Variants in LRRTM4 observed in about 807,000 individuals in gnomAD.
The protein encoded by LRRTM4 is leucine rich repeat transmembrane neuronal 4, also known as leucine-rich repeat transmembrane neuronal protein 4.
Under a neutral mutation model 47.6 loss-of-function variants are expected in LRRTM4, and 25 were observed. The observed-to-expected ratio is 0.53, with a 90% CI of 0.38 to 0.73. The LOEUF (loss-of-function observed/expected upper bound fraction) is 0.73. LRRTM4 is among the 30% of genes least tolerant of loss of function. The pLI is 0.00. For missense variants in LRRTM4, 638 were observed against 713.4 expected, an observed-to-expected ratio of 0.89 and a Z score of 1.20; for synonymous variants, 311 against 269.5, an observed-to-expected ratio of 1.15 and a Z score of -1.51.
chr2:77,278,182 C>T (rs965821438), intron 3 of LRRTM4, among the ~76,000 whole-genome samples: 2 of 151,990 alleles, frequency 1.3e-5, no homozygotes, highest in African/African-American at 4.8e-5. Flanking sequence ...TCCTGCTCAC[C>T]TTTAATCAAC....
intron 3 of LRRTM4, among the ~76,000 whole-genome samples, chr2:77,224,380 A>T (rs1674739846): frequency 6.6e-6 from 1 of 152,208 alleles, no homozygotes; most frequent in Non-Finnish European, 1.5e-5. Context: ...TAAACTAAAG[A>T]GCTTCTGCAC....
chr2:76,923,251 T>C (rs1457182778), intron 3 of LRRTM4, among the ~76,000 whole-genome samples: 1 of 152,076 alleles, frequency 6.6e-6, no homozygotes, highest in Non-Finnish European at 1.5e-5. Flanking sequence ...TAAACGTTTG[T>C]CTAAAGTTCA....
Position 76,936,518 on chromosome 2 carries a change from T to C in LRRTM4, c.1552-187602A>G, listed in dbSNP as rs150917826. Among the ~76,000 whole-genome samples, 1,322 of 149,470 alleles carry C rather than the reference T, an allele frequency of 8.8e-3. 10 individuals are homozygous for C. Among genetic ancestry groups the C allele is most frequent in the Non-Finnish European group, 0.013 (888 of 67,622 alleles). ...GGTTGATGGTTGCAGCAATCCACCA[T>C]GGCACGTGTATGCCTATGTAAGAAA... On this transcript the variant is annotated intron_variant, in intron 3 of 3. Coordinates refer to ENST00000409884, the MANE Select transcript of LRRTM4 (RefSeq NM_001134745.3).
At chr2:77,340,318 C>A (rs1671326789) in intron 3 of LRRTM4, among the ~76,000 whole-genome samples, 2 of 151,590 alleles carry the variant, frequency 1.3e-5, no homozygotes, top group African/African-American at 4.8e-5. Flanking sequence ...GGTAAAAAAA[C>A]AAAAACAAAA....
intron 3 of LRRTM4, among the ~76,000 whole-genome samples, chr2:77,392,975 C>A (rs1673560961): frequency 6.6e-6 from 1 of 151,708 alleles, no homozygotes; most frequent in Non-Finnish European, 1.5e-5. Context: ...ATCATGTATG[C>A]CATAAATATA....
At chr2:77,084,244 T>C (rs1039529889) in intron 3 of LRRTM4, among the ~76,000 whole-genome samples, 1 of 152,196 alleles carries the variant, frequency 6.6e-6, no homozygotes, top group Non-Finnish European at 1.5e-5. Flanking sequence ...CATCTTCAAG[T>C]AGTCTTAGAT....
chr2:77,360,760 A>G (rs902796485), intron 3 of LRRTM4, among the ~76,000 whole-genome samples: 3 of 152,180 alleles, frequency 2.0e-5, no homozygotes, highest in Non-Finnish European at 2.9e-5. Context: ...ATGAAATTCA[A>G]CAAATAAATC....
intron 3 of LRRTM4, among the ~76,000 whole-genome samples, chr2:77,209,044 C>T (rs911721684): frequency 2.6e-5 from 4 of 152,116 alleles, no homozygotes; most frequent in Non-Finnish European, 5.9e-5. Context: ...TTTCTATTGT[C>T]TAAACTACCC....
chr2:77,451,881 T>C (rs974648676), intron 3 of LRRTM4, among the ~76,000 whole-genome samples: 6 of 152,112 alleles, frequency 3.9e-5, no homozygotes, highest in African/African-American at 1.4e-4. Context: ...GGCAGAGCCT[T>C]TGAGACAAAG....
chr2:77,437,561 G>A (rs968193546), intron 3 of LRRTM4, among the ~76,000 whole-genome samples: 1 of 151,932 alleles, frequency 6.6e-6, no homozygotes, highest in Non-Finnish European at 1.5e-5. Flanking sequence ...AGTATACTTC[G>A]AGTAAGAACA....
chr2:77,114,862 G>A (rs1486881487), intron 3 of LRRTM4, among the ~76,000 whole-genome samples: 1 of 152,078 alleles, frequency 6.6e-6, no homozygotes, highest in Non-Finnish European at 1.5e-5. Context: ...AAGATCACGA[G>A]GCAAGGCAAA....
At chr2:77,158,188 G>A (rs1328955949) in intron 3 of LRRTM4, among the ~76,000 whole-genome samples, 2 of 152,044 alleles carry the variant, frequency 1.3e-5, no homozygotes, top group Non-Finnish European at 2.9e-5. Context: ...TTGCAAGGGC[G>A]TTTGCTTTAT....
intron 3 of LRRTM4, among the ~76,000 whole-genome samples, chr2:77,387,007 T>C (rs1188652033): frequency 6.6e-6 from 1 of 152,150 alleles, no homozygotes; most frequent in Non-Finnish European, 1.5e-5. Flanking sequence ...TACTTCTCAA[T>C]TTACTGTACT....
chr2:77,099,759 T>C (rs985180145), intron 3 of LRRTM4, among the ~76,000 whole-genome samples: 12 of 151,976 alleles, frequency 7.9e-5, no homozygotes, highest in African/African-American at 2.9e-4. Context: ...GGGTTGATAA[T>C]GATTACTAAC....
intron 3 of LRRTM4, among the ~76,000 whole-genome samples, chr2:77,058,753 T>C (rs547096062): frequency 6.6e-6 from 1 of 152,098 alleles, no homozygotes; most frequent in African/African-American, 2.4e-5. Context: ...GCTAGAATTA[T>C]GTTTTCTTGT....
intron 3 of LRRTM4, among the ~76,000 whole-genome samples, chr2:76,935,565 A>C (rs1476463557): frequency 1.3e-5 from 2 of 152,080 alleles, no homozygotes; most frequent in Non-Finnish European, 2.9e-5. Flanking sequence ...AAGGTCCTTC[A>C]CATCCCTTGT....
intron 3 of LRRTM4, among the ~76,000 whole-genome samples, chr2:77,427,341 T>C (rs72921904): frequency 0.06 from 9,187 of 152,206 alleles, 914 homozygotes; most frequent in African/African-American, 0.21. Context: ...GAGAAAAATT[T>C]GTTGAAAAAA....
chr2:77,246,367 A>G (rs371583198), intron 3 of LRRTM4, among the ~76,000 whole-genome samples: 39 of 152,308 alleles, frequency 2.6e-4, no homozygotes, highest in African/African-American at 7.5e-4. Flanking sequence ...ACATTTCGCC[A>G]ATATATACAC....
In LRRTM4 at chr2:76,917,662, T is replaced by C. The variant is rs79935674; in HGVS notation, c.1552-168746A>G. 1.8e-4 allele frequency among the ~76,000 whole-genome samples: 27 copies of C among 152,268 alleles called. No homozygotes were observed. In the East Asian group the frequency reaches 5.2e-3, roughly 29 times the overall value. On this transcript the variant is annotated intron_variant, in intron 3 of 3. Transcript: ENST00000409884. ...CACACATGAAGGAGCTAGGAAGCTC[T>C]AGTTAAGATAATGGAAGTACAGTAA... is the stretch of plus-strand genomic sequence containing the variant.
Sources: allele counts gnomAD v4.1 joint callset (sites outside exome capture counted in the v4.1 genomes callset), GRCh38; gene constraint gnomAD v4.1.1; transcripts MANE v1.5; gene names NCBI Gene and HGNC (gene_info 2026-07-23, HGNC 2026-07-21).